The following KIRREL3 variants were observed in gnomAD, a reference collection of about 807,000 sequenced individuals.
KIRREL3 encodes kin of IRRE-like protein 3.
Under a neutral mutation model 89.7 loss-of-function variants are expected in KIRREL3, and 36 were observed. The observed-to-expected ratio is 0.40, with a 90% CI of 0.31 to 0.53. The LOEUF (loss-of-function observed/expected upper bound fraction) is 0.53. KIRREL3 is among the 20% of genes least tolerant of loss of function. KIRREL3 has a pLI of 0.49. For missense variants in KIRREL3, 864 were observed against 1,056.6 expected (o/e 0.82, Z 2.53); for synonymous variants, 445 against 441.4 (o/e 1.01, Z -0.10).
chr11:126,522,838 A>C lies in KIRREL3; in HGVS notation c.284-1374T>G, dbSNP rs1591674259. 1.3e-5 allele frequency among the ~76,000 whole-genome samples: 2 copies of C among 151,392 alleles called. No individual in the cohort carries two copies. The highest frequency in any genetic ancestry group is 2.4e-5 in the African/African-American group (1 of 41,096). ...TCCTCAGAGGCTGCCCTCGGCTTCC[A>C]CTCCCCTCTGGCAGCCCCAGGCTGC... On this transcript the variant is annotated intron_variant, in intron 3 of 16. Transcript: ENST00000525144. This position sits in a 1 kb window ranked among gnomAD's most constrained non-coding sequence, Gnocchi z 6.0.
chr11:126,631,761 A>G (rs1166891961), intron 1 of KIRREL3, among the ~76,000 whole-genome samples: 1 of 152,222 alleles, frequency 6.6e-6, no homozygotes. Flanking sequence ...TTCCTACAAC[A>G]ATCTCACAAA....
At chr11:126,533,074 T>C (rs1223562118) in intron 2 of KIRREL3, among the ~76,000 whole-genome samples, 1 of 152,186 alleles carries the variant, frequency 6.6e-6, no homozygotes, top group African/African-American at 2.4e-5. Context: ...TCCAAAGTGC[T>C]GAGATTACAG....
At position 126,471,867 on chromosome 11, in the gene KIRREL3, C is replaced by T. The variant is rs74478855; in HGVS notation, c.591+1442G>A. On this transcript the variant is annotated intron_variant, in intron 5 of 16. Transcript: ENST00000525144. The surrounding 1 kb of genome is among the most constrained non-coding windows in gnomAD (Gnocchi z 5.4). Reference sequence around the variant, plus strand: ...CAACATTTTAAAGACACAATTAATACGGGGGCCAGTTCAGGGTGCTTCCAG... The same window carrying T: ...CAACATTTTAAAGACACAATTAATATGGGGGCCAGTTCAGGGTGCTTCCAG... Among the ~76,000 whole-genome samples the T allele has an allele frequency of 0.014, 2,072 of 152,260 alleles. 41 individuals are homozygous for T. The highest frequency in any genetic ancestry group is 0.046 in the African/African-American group (1,910 of 41,530).
intron 4 of KIRREL3, among the ~76,000 whole-genome samples, chr11:126,510,973 G>T (rs1958200624): frequency 1.3e-5 from 2 of 152,134 alleles, no homozygotes. Flanking sequence ...TGCACATAGG[G>T]AAGTAAATGG....
In KIRREL3 at chr11:126,473,411, C is replaced by T; in HGVS notation, c.489G>A (p.Gly163=). The T allele has an allele frequency of 4.4e-6, 7 of 1,588,048 alleles. No homozygotes were observed. Among genetic ancestry groups the T allele is most frequent in the Non-Finnish European group, 5.2e-6 (6 of 1,164,944 alleles). The change falls in exon 5 of 17, where the codon GGG becomes GGA. Residue 163 remains glycine, a synonymous_variant. Transcript: ENST00000525144. ...CGTGGCAGGTGAGGTTGAGAGGGTC[C>T]CCCGCACGCAGGCTGATCACAGGGC... is the stretch of plus-strand genomic sequence containing the variant. ...LGGPVISLRA[G]DPLNLTCHAD...
Position 126,965,674 on chromosome 11 carries a change from C to T in KIRREL3, c.55+34781G>A, listed in dbSNP as rs890794415. Among the ~76,000 whole-genome samples the T allele has an allele frequency of 5.9e-5, 9 of 152,152 alleles. No individual in the cohort carries two copies. Among genetic ancestry groups the T allele is most frequent in the Non-Finnish European group, 1.2e-4 (8 of 68,022 alleles). ...GGTCAGAGCCATGGATAATCGAAACCTCAGCCAAAAGAAGATCAATAAATA... is the reference window on the plus strand; with the variant it reads ...GGTCAGAGCCATGGATAATCGAAACTTCAGCCAAAAGAAGATCAATAAATA... On this transcript the variant is annotated intron_variant, in intron 1 of 16. Coordinates refer to ENST00000525144, the MANE Select transcript of KIRREL3 (RefSeq NM_032531.4). This position sits in a 1 kb window ranked among gnomAD's most constrained non-coding sequence, Gnocchi z 4.4.
chr11:126,977,906 C>T lies in KIRREL3; in HGVS notation c.55+22549G>A, dbSNP rs1949625563. On this transcript the variant is annotated intron_variant, in intron 1 of 16. Transcript: ENST00000525144. The surrounding 1 kb of genome is among the most constrained non-coding windows in gnomAD (Gnocchi z 4.7). ...TGGATCAGGAAAGAGCATCAATTTCCTGTGTACCACACAGTCAGAGGCATC... is the reference window on the plus strand; with the variant it reads ...TGGATCAGGAAAGAGCATCAATTTCTTGTGTACCACACAGTCAGAGGCATC... Among the ~76,000 whole-genome samples the T allele has an allele frequency of 6.6e-6, 1 of 152,146 alleles. No homozygotes were observed. Among genetic ancestry groups the T allele is most frequent in the Non-Finnish European group, 1.5e-5 (1 of 68,018 alleles).
Position 126,446,743 on chromosome 11 carries a change from T to G in KIRREL3, c.1125+16A>C. ...CCCCTGCCAGAGGTGCCCCGAGGTC[T>G]GAGCTGCAGCCTCACCACTCCGGAG... On this transcript the variant is annotated intron_variant, in intron 9 of 16. Coordinates refer to ENST00000525144, the MANE Select transcript of KIRREL3 (RefSeq NM_032531.4). The G allele has an allele frequency of 6.3e-7, 1 of 1,593,822 alleles. No homozygotes were observed. Among genetic ancestry groups the G allele is most frequent in the South Asian group, 1.1e-5 (1 of 87,374 alleles).
intron 1 of KIRREL3, among the ~76,000 whole-genome samples, chr11:126,597,576 C>T (rs955435521): frequency 3.3e-5 from 5 of 152,064 alleles, no homozygotes; most frequent in African/African-American, 4.8e-5. Context: ...ATTCTTTTGC[C>T]GTCAGCTTCA....
chr11:126,614,765 G>C lies in KIRREL3; in HGVS notation c.56-51853C>G, dbSNP rs187807128. Among the ~76,000 whole-genome samples, 1,868 of 152,238 alleles carry C rather than the reference G, an allele frequency of 0.012. 28 individuals carry two copies. The highest frequency in any genetic ancestry group is 0.042 in the African/African-American group (1,745 of 41,536). On this transcript the variant is annotated intron_variant, in intron 1 of 16. Transcript: ENST00000525144. The surrounding 1 kb of genome is among the most constrained non-coding windows in gnomAD (Gnocchi z 4.6). ...CTGTGCTGGGGTTCGAGGTGTCTCC[G>C]CTGGGAGACTCTGGGGAGATCCTGA...
At chr11:126,865,241 C>T (rs1041737875) in intron 1 of KIRREL3, among the ~76,000 whole-genome samples, 2 of 152,306 alleles carry the variant, frequency 1.3e-5, no homozygotes, top group African/African-American at 4.8e-5. Context: ...TCTGTCTAAA[C>T]GTCAATGATT....
At chr11:126,829,167 T>C (rs893428606) in intron 1 of KIRREL3, among the ~76,000 whole-genome samples, 1 of 152,078 alleles carries the variant, frequency 6.6e-6, no homozygotes, top group Non-Finnish European at 1.5e-5. Flanking sequence ...AGGAGCAAGA[T>C]GGAAACAGGA....
rs1484408062 is a variant in KIRREL3, at chr11:126,628,548, T to G, written c.56-65636A>C. The stretch of plus-strand genomic sequence containing the variant: ...CTCAAAACAATGGTGGGTGATTTCA[T>G]AGTTTCTTTCAGCAACTTGTTCTAT... On this transcript the variant is annotated intron_variant, in intron 1 of 16. Coordinates refer to ENST00000525144, the MANE Select transcript of KIRREL3 (RefSeq NM_032531.4). The surrounding 1 kb of genome is among the most constrained non-coding windows in gnomAD (Gnocchi z 5.2). Among the ~76,000 whole-genome samples, 1 of 152,216 alleles carries G rather than the reference T, an allele frequency of 6.6e-6. No individual in the cohort carries two copies. Among genetic ancestry groups the G allele is most frequent in the South Asian group, 2.1e-4 (1 of 4,816 alleles).
At chr11:126,956,146 T>G (rs1948915748) in intron 1 of KIRREL3, among the ~76,000 whole-genome samples, 1 of 152,180 alleles carries the variant, frequency 6.6e-6, no homozygotes. Context: ...TCATCTCTCT[T>G]GTTCATTCAT....
chr11:126,665,268 A>C (rs1192688039), intron 1 of KIRREL3, among the ~76,000 whole-genome samples: 1 of 152,176 alleles, frequency 6.6e-6, no homozygotes, highest in Non-Finnish European at 1.5e-5. Flanking sequence ...TGTTTGTGCC[A>C]CACGTGTGTT....
At position 126,609,604 on chromosome 11, in the gene KIRREL3, C is replaced by G. The variant is rs1440272698; in HGVS notation, c.56-46692G>C. On this transcript the variant is annotated intron_variant, in intron 1 of 16. Transcript: ENST00000525144. The surrounding 1 kb of genome is among the most constrained non-coding windows in gnomAD (Gnocchi z 5.0). ...CTCAGCTCCTTTCTGGGGGGACCTC[C>G]GATGCATGCTCACTTGTATAAAATC... Among the ~76,000 whole-genome samples the G allele has an allele frequency of 6.6e-6, 1 of 152,084 alleles. No individual in the cohort carries two copies. The highest frequency in any genetic ancestry group is 1.5e-5 in the Non-Finnish European group (1 of 68,030).
chr11:126,711,540 C>T (rs913573009), intron 1 of KIRREL3, among the ~76,000 whole-genome samples: 1 of 151,986 alleles, frequency 6.6e-6, no homozygotes, highest in Admixed American at 6.6e-5. Context: ...CCAGCCTGGG[C>T]GACAGAGCAA....
chr11:126,722,849 T>A (rs1948230232), intron 1 of KIRREL3, among the ~76,000 whole-genome samples: 1 of 152,252 alleles, frequency 6.6e-6, no homozygotes, highest in African/African-American at 2.4e-5. Context: ...GAATGAATGT[T>A]GAAAATTCTA....
At chr11:126,466,229 G>GTTGT (rs1680993684) in intron 5 of KIRREL3, among the ~76,000 whole-genome samples, 1 of 152,240 alleles carries the variant, frequency 6.6e-6, no homozygotes, top group Non-Finnish European at 1.5e-5. Flanking sequence ...TCTGGTTCAA[G>GTTGT]TTGTTTGTTC....
Sources: allele counts gnomAD v4.1 joint callset (sites outside exome capture counted in the v4.1 genomes callset), GRCh38; gene constraint gnomAD v4.1.1; non-coding constraint Gnocchi (gnomAD v3.1); transcripts MANE v1.5; gene names NCBI Gene and HGNC (gene_info 2026-07-23, HGNC 2026-07-21).